Variants in RANBP2 observed in about 807,000 individuals in gnomAD.
RANBP2 encodes RAN binding protein 2.
In RANBP2, 57 loss-of-function variants were observed where a neutral mutation model predicts 303.6. That is an observed-to-expected ratio of 0.19 (90% CI 0.15 to 0.23). RANBP2 has a LOEUF of 0.23. RANBP2 is among the 10% of genes least tolerant of loss of function. The pLI, the probability that RANBP2 is intolerant of heterozygous loss-of-function variation, is 1.00. For synonymous variants in RANBP2, 1,167 were observed against 1,301.5 expected, an observed-to-expected ratio of 0.90 and a Z score of 2.23; for missense variants, 3,138 against 3,780.8, an observed-to-expected ratio of 0.83 and a Z score of 4.46.
At chr2:109,165,730 C>G in the RANBP2 span, among the ~76,000 whole-genome samples, 9 of 152,160 alleles carry the variant, frequency 5.9e-5, no homozygotes. Flanking sequence ...TTTCTGCTGC[C>G]CCCACTCTCC....
chr2:109,422,371 ACTGAAACATGAGCC>A, the RANBP2 span, among the ~76,000 whole-genome samples: 1 of 152,226 alleles, frequency 6.6e-6, no homozygotes, highest in African/African-American at 2.4e-5. Flanking sequence ...CATCATGTGC[ACTGAAACATGAGCC>A]CTTGAGATTA....
At chr2:109,550,702 C>T in the RANBP2 span, among the ~76,000 whole-genome samples, 1 of 152,162 alleles carries the variant, frequency 6.6e-6, no homozygotes, top group Non-Finnish European at 1.5e-5. Flanking sequence ...CTGTGTGGTC[C>T]CTTCTGCCCT....
the RANBP2 span, among the ~76,000 whole-genome samples, chr2:109,364,602 T>G: frequency 8.9e-4 from 135 of 152,356 alleles, 1 homozygote; most frequent in Middle Eastern, 6.8e-3. Flanking sequence ...CCTTTGGTGC[T>G]GTGGGGGCCA....
At chr2:109,209,374 G>A in the RANBP2 span, among the ~76,000 whole-genome samples, 1 of 152,200 alleles carries the variant, frequency 6.6e-6, no homozygotes, top group African/African-American at 2.4e-5. Context: ...TTCCTAGGAA[G>A]ATGCCCTGAG....
the RANBP2 span, among the ~76,000 whole-genome samples, chr2:109,037,669 T>C: frequency 5.9e-5 from 9 of 152,174 alleles, no homozygotes; most frequent in South Asian, 4.1e-4. Flanking sequence ...ACAATGAACA[T>C]TTCAAAACTA....
the RANBP2 span, chr2:108,804,737 T>C: frequency 7.6e-6 from 4 of 524,152 alleles, no homozygotes; most frequent in Non-Finnish European, 1.3e-5. Context: ...TTTTATAAAT[T>C]ACTTGCCACA....
chr2:108,875,850 C>T, the RANBP2 span, among the ~76,000 whole-genome samples: 1 of 152,098 alleles, frequency 6.6e-6, no homozygotes, highest in Admixed American at 6.5e-5. Context: ...AGAATAAGAC[C>T]TTATCTCAAA....
the RANBP2 span, among the ~76,000 whole-genome samples, chr2:109,651,492 T>A: frequency 6.6e-6 from 1 of 152,180 alleles, no homozygotes; most frequent in Non-Finnish European, 1.5e-5. Flanking sequence ...TAGGTCTACA[T>A]AATATGTTGG....
the RANBP2 span, chr2:109,667,428 G>A: frequency 2.7e-6 from 1 of 371,076 alleles, no homozygotes. Flanking sequence ...AGAACTATAG[G>A]TTAGAGGCAG....
At chr2:109,641,943 T>A in the RANBP2 span, among the ~76,000 whole-genome samples, 1 of 152,158 alleles carries the variant, frequency 6.6e-6, no homozygotes. Flanking sequence ...GTAGCTGGGA[T>A]TACAGGCGCC....
the RANBP2 span, among the ~76,000 whole-genome samples, chr2:108,877,925 T>C: frequency 6.6e-6 from 1 of 152,208 alleles, no homozygotes; most frequent in Non-Finnish European, 1.5e-5. Context: ...TATAGAATGC[T>C]GGAAGGTAAT....
the RANBP2 span, among the ~76,000 whole-genome samples, chr2:109,011,957 A>C: frequency 1.3e-5 from 2 of 152,068 alleles, no homozygotes; most frequent in Non-Finnish European, 2.9e-5. Flanking sequence ...TAGATGCAAC[A>C]TCTTCCCGTA....
intron 23 of RANBP2, among the ~76,000 whole-genome samples, chr2:108,773,767 C>T (rs541521672): frequency 6.6e-4 from 101 of 152,154 alleles, no homozygotes; most frequent in African/African-American, 2.4e-3. Context: ...CTGCCTCAGC[C>T]TCCCAAGCAG....
the RANBP2 span, among the ~76,000 whole-genome samples, chr2:109,531,781 C>A: frequency 6.6e-6 from 1 of 152,184 alleles, no homozygotes; most frequent in East Asian, 1.9e-4. Flanking sequence ...ATTGCATCTA[C>A]TGATTACCCA....
the RANBP2 span, among the ~76,000 whole-genome samples, chr2:109,426,691 G>C: frequency 1.3e-5 from 2 of 152,320 alleles, no homozygotes; most frequent in South Asian, 2.1e-4. Flanking sequence ...GGGTTTAAGA[G>C]GATTGCCTCC....
the RANBP2 span, among the ~76,000 whole-genome samples, chr2:109,249,060 G>T: frequency 6.6e-6 from 1 of 151,948 alleles, no homozygotes; most frequent in African/African-American, 2.4e-5. Context: ...TTGTAATTTT[G>T]TGTAGAGACC....
chr2:108,906,220 C>G, the RANBP2 span: 313 of 1,397,834 alleles, frequency 2.2e-4, no homozygotes, highest in Non-Finnish European at 3.1e-4. Flanking sequence ...TCCCTCAGTT[C>G]CCCTCACAGG....
chr2:108,919,239 G>T, the RANBP2 span, among the ~76,000 whole-genome samples: 4 of 152,210 alleles, frequency 2.6e-5, no homozygotes, highest in African/African-American at 9.7e-5. Context: ...ACGCAGAGTA[G>T]CAGAGATTTC....
the RANBP2 span, among the ~76,000 whole-genome samples, chr2:109,698,044 G>A: frequency 2.0e-5 from 3 of 151,880 alleles, no homozygotes; most frequent in Non-Finnish European, 4.4e-5. Context: ...ATTTTTAGTA[G>A]AGACAGGGTT....
Sources: allele counts gnomAD v4.1 joint callset (sites outside exome capture counted in the v4.1 genomes callset), GRCh38; gene constraint gnomAD v4.1.1; transcripts MANE v1.5; gene names NCBI Gene and HGNC (gene_info 2026-07-23, HGNC 2026-07-21).